MYCBP2: variants seen among roughly 807,000 people sequenced by gnomAD.
MYCBP2 encodes the protein E3 ubiquitin-protein ligase MYCBP2.
In MYCBP2, 120 loss-of-function variants were observed where a neutral mutation model predicts 525.3. The observed-to-expected ratio is 0.23, with a 90% CI of 0.20 to 0.27. The LOEUF (loss-of-function observed/expected upper bound fraction) is 0.27, where lower values mean the gene tolerates loss of function less well. Among genes scored for constraint, MYCBP2 ranks in the 10% least tolerant of loss-of-function variants. MYCBP2 has a pLI of 1.00. For synonymous variants in MYCBP2, 1,894 were observed against 1,955.8 expected (o/e 0.97, Z 0.83); for missense variants, 4,149 against 5,657.1 (o/e 0.73, Z 8.55).
chr13:77,098,717 G>C lies in MYCBP2; in HGVS notation c.8437C>G (p.Pro2813Ala). ...GATGACAACCGAGAACCTGGTCCTG[G>C]GGATTCAGCTCTGGAGCTAGAAGGC... is the stretch of plus-strand genomic sequence containing the variant. The part of the protein sequence containing the change: ...RMPSSSRAES[P>A]GPGSRLSSPK... Residue 2813 changes from proline (P) to alanine (A), a missense_variant, in exon 56 of 83, where the codon CCA becomes GCA. By Grantham distance (27) the Pro-to-Ala change is conservative. Around this residue, in one of 21 missense-constraint regions of MYCBP2, gnomAD observed 653 missense variants for 744.7 expected, o/e 0.88. Transcript: ENST00000544440. The C allele has an allele frequency of 1.2e-6, 2 of 1,613,422 alleles. No individual in the cohort carries two copies. The highest frequency in any genetic ancestry group is 1.7e-6 in the Non-Finnish European group (2 of 1,179,726).
At chr13:77,120,073 A>G (rs762334240) in intron 55 of MYCBP2, among the ~76,000 whole-genome samples, 1 of 152,218 alleles carries the variant, frequency 6.6e-6, no homozygotes, top group Non-Finnish European at 1.5e-5. Context: ...GTACAATGAC[A>G]GACAGTTTAA....
intron 47 of MYCBP2, among the ~76,000 whole-genome samples, chr13:77,149,320 G>T (rs1164377271): frequency 2.0e-5 from 3 of 150,540 alleles, no homozygotes; most frequent in African/African-American, 7.3e-5. Flanking sequence ...CTGCATATTT[G>T]TTTCAGGTAA....
intron 73 of MYCBP2, among the ~76,000 whole-genome samples, chr13:77,063,443 G>A (rs1232732816): frequency 2.6e-5 from 4 of 151,232 alleles, no homozygotes; most frequent in Admixed American, 6.6e-5. Flanking sequence ...CCTGTAATCC[G>A]AGCTACTTGG....
chr13:77,233,261 G>T lies in MYCBP2; in HGVS notation c.2632C>A (p.Pro878Thr). ...AAAATAGGACCAGCAAATACAAGGG[G>T]GCCTGAGGAGAAACATTTTGTATGT... ...RRHRLEEGRG[P>T]LVFAGPIFMN... Residue 878 changes from proline (P) to threonine (T), a missense_variant and splice_region_variant, in exon 18 of 83, where the codon CCC becomes ACC. Pro to Thr is a conservative substitution (Grantham distance 38). Around this residue, in one of 21 missense-constraint regions of MYCBP2, gnomAD observed 620 missense variants for 795.5 expected, o/e 0.78. Coordinates refer to ENST00000544440, the MANE Select transcript of MYCBP2 (RefSeq NM_015057.5). 6.2e-7 allele frequency: 1 copy of T among 1,610,908 alleles called. No individual in the cohort carries two copies. The highest frequency in any genetic ancestry group is 8.5e-7 in the Non-Finnish European group (1 of 1,177,966).
intron 44 of MYCBP2, among the ~76,000 whole-genome samples, 185 bp downstream of exon 44, chr13:77,161,721 T>C (rs1236952829): frequency 1.3e-5 from 2 of 152,160 alleles, no homozygotes; most frequent in Non-Finnish European, 2.9e-5. Context: ...ACCAAATACA[T>C]AGGGCTCACA....
rs1379054540 is a variant in MYCBP2 at position 77,223,133 on chromosome 13, A to G, written c.2939+1318T>C. On this transcript the variant is annotated intron_variant, in intron 20 of 82. Transcript: ENST00000544440. ...CAAGACAATCTGCTACAGAGAGCAGAGTTAACTATTATAACAGCCTCAGGT... is the reference window on the plus strand; with the variant it reads ...CAAGACAATCTGCTACAGAGAGCAGGGTTAACTATTATAACAGCCTCAGGT... Among the ~76,000 whole-genome samples, 4 of 152,218 alleles carry G rather than the reference A, an allele frequency of 2.6e-5. No individual in the cohort carries two copies. In the East Asian group the frequency reaches 7.7e-4, roughly 29 times the overall value.
intron 34 of MYCBP2, 89 bp from the exon 35 acceptor site, chr13:77,178,043 T>G: frequency 1.3e-6 from 1 of 788,586 alleles, no homozygotes; most frequent in Non-Finnish European, 2.2e-6. Context: ...TAAAATAACC[T>G]TTATTTAATA....
rs1243687503 is a variant in MYCBP2 at position 77,288,144 on chromosome 13, AG to A, written c.594+16del. ...GCAGGTTACACATCTAAATATTAAT[AG>A]AACTCAGTGGCTTACCTTTGGAAGC... On this transcript the variant is annotated intron_variant, in intron 3 of 82. Coordinates refer to ENST00000544440, the MANE Select transcript of MYCBP2 (RefSeq NM_015057.5). The A allele has an allele frequency of 6.2e-7, 1 of 1,611,974 alleles. No homozygotes were observed.
At chr13:77,079,958 T>G (rs1429630739) in intron 65 of MYCBP2, among the ~76,000 whole-genome samples, 1 of 152,194 alleles carries the variant, frequency 6.6e-6, no homozygotes, top group African/African-American at 2.4e-5. Context: ...TATTTCCTCT[T>G]AGAAAAGACA....
chr13:77,172,723 G>C (rs1245596290), intron 37 of MYCBP2, among the ~76,000 whole-genome samples: 2 of 152,180 alleles, frequency 1.3e-5, no homozygotes, highest in Non-Finnish European at 2.9e-5. Flanking sequence ...CAAGGTGTCT[G>C]GCTGTAACTG....
chr13:77,211,921 G>T, intron 22 of MYCBP2, 35 bp downstream of exon 22: 1 of 1,509,298 alleles, frequency 6.6e-7, no homozygotes, highest in Non-Finnish European at 9.2e-7. Context: ...CAAGACAAGA[G>T]TTTGGAAGGG....
Position 77,095,511 on chromosome 13 carries a change from A to G in MYCBP2, c.10046T>C (p.Leu3349Pro). 1 of 1,613,634 alleles carries G rather than the reference A, an allele frequency of 6.2e-7. No individual in the cohort carries two copies. Among genetic ancestry groups the G allele is most frequent in the Non-Finnish European group, 8.5e-7 (1 of 1,179,736 alleles). The change falls in exon 58 of 83, where the codon CTC becomes CCC. Residue 3349 changes from leucine (L) to proline (P), a missense_variant. Coordinates refer to ENST00000544440, the MANE Select transcript of MYCBP2 (RefSeq NM_015057.5). ...TGCACTGCTCAGGGACAGCAGGAAG[A>G]GTGCATTGGCTTTAATCACCTGGTG... Reference protein sequence around the residue: ...EAHQVIKANALFLLSLSSAAE... With the variant: ...EAHQVIKANAPFLLSLSSAAE...
Position 77,206,680 on chromosome 13 carries a change from G to C in MYCBP2, c.3562C>G (p.Arg1188Gly). The C allele has an allele frequency of 6.2e-7, 1 of 1,604,818 alleles. No individual in the cohort carries two copies. The highest frequency in any genetic ancestry group is 8.5e-7 in the Non-Finnish European group (1 of 1,175,334). The change falls in exon 24 of 83, where the codon CGA becomes GGA. Residue 1188 changes from arginine to glycine, a missense_variant. By Grantham distance (125) the Arg-to-Gly change is moderately radical. Coordinates refer to ENST00000544440, the MANE Select transcript of MYCBP2 (RefSeq NM_015057.5). ...LPTGSRALTT[R>G]SHAALHILGC... ...AAAATGTGCAAAGCTGCATGAGATC[G>C]GGTAGTGAGGGCCCTTGATCCTGTT...
chr13:77,174,440 G>C lies in MYCBP2; in HGVS notation c.5522C>G (p.Ala1841Gly). ...VRLRNYGSRTANGDGGMTTVQ... is the reference protein window; with the variant it reads ...VRLRNYGSRTGNGDGGMTTVQ... ...TGTGGTCATTCCTCCATCTCCATTGGCTGTACGGCTTCCATAGTTCCTCAA... is the reference window on the plus strand; with the variant it reads ...TGTGGTCATTCCTCCATCTCCATTGCCTGTACGGCTTCCATAGTTCCTCAA... Residue 1841 changes from alanine to glycine, a missense_variant, in exon 37 of 83, where the codon GCC (alanine) becomes GGC (glycine). By Grantham distance (60) the Ala-to-Gly change is moderately conservative. Around this residue, in one of 21 missense-constraint regions of MYCBP2, gnomAD observed 109 missense variants for 118.9 expected, o/e 0.92. Coordinates refer to ENST00000544440, the MANE Select transcript of MYCBP2 (RefSeq NM_015057.5). The C allele has an allele frequency of 6.2e-7, 1 of 1,613,998 alleles. No homozygotes were observed.
intron 20 of MYCBP2, among the ~76,000 whole-genome samples, chr13:77,218,660 C>T (rs545232814): frequency 5.8e-4 from 89 of 152,288 alleles, no homozygotes; most frequent in Non-Finnish European, 8.5e-4. Context: ...GAGGCCCATA[C>T]GTGTCAAGTA....
intron 53 of MYCBP2, 62 bp downstream of exon 53, chr13:77,126,256 C>A: frequency 7.1e-7 from 1 of 1,412,348 alleles, no homozygotes. Context: ...AGAAGAGATG[C>A]TTTGGTTGTA....
intron 22 of MYCBP2, 101 bp from the exon 23 acceptor site, chr13:77,211,421 G>C (rs2063990983): frequency 3.5e-6 from 2 of 572,834 alleles, no homozygotes; most frequent in Non-Finnish European, 4.9e-6. Flanking sequence ...AGGTGAATAA[G>C]CAGAGAATAA....
intron 15 of MYCBP2, among the ~76,000 whole-genome samples, chr13:77,247,506 C>T (rs1336302600): frequency 6.6e-6 from 1 of 152,180 alleles, no homozygotes; most frequent in East Asian, 1.9e-4. Context: ...CTACCCAAAG[C>T]AATCTACAGA....
At chr13:77,074,013 T>C (rs1289594400) in intron 68 of MYCBP2, among the ~76,000 whole-genome samples, 33 of 92,086 alleles carry the variant, frequency 3.6e-4, no homozygotes, top group South Asian at 2.5e-3. Context: ...CCCCCCCCCC[T>C]TTTTTTTTTA....
Sources: allele counts gnomAD v4.1 joint callset (sites outside exome capture counted in the v4.1 genomes callset), GRCh38; gene constraint gnomAD v4.1.1; regional missense constraint gnomAD v4.1.1; transcripts MANE v1.5; gene names NCBI Gene and HGNC (gene_info 2026-07-23, HGNC 2026-07-21).